EPS15: variants seen among roughly 807,000 people sequenced by gnomAD.
EPS15 encodes the protein epidermal growth factor receptor substrate 15.
EPS15 carries 72 observed loss-of-function variants against 113.8 expected under a neutral mutation model. The ratio of observed to expected loss-of-function variants is 0.63; its 90% CI spans 0.52 to 0.77. The LOEUF (loss-of-function observed/expected upper bound fraction) is 0.77, where lower values mean the gene tolerates loss of function less well. EPS15 is among the 30% of genes least tolerant of loss of function. The pLI is 0.00. For synonymous variants in EPS15, 344 were observed against 363.4 expected, an observed-to-expected ratio of 0.95 and a Z score of 0.61; for missense variants, 1,048 against 1,045.8, an observed-to-expected ratio of 1.00 and a Z score of -0.03.
intron 21 of EPS15, among the ~76,000 whole-genome samples, chr1:51,371,916 A>T (rs927523019): frequency 2.5e-4 from 38 of 152,158 alleles, no homozygotes; most frequent in African/African-American, 8.7e-4. Context: ...CTATGTTTAG[A>T]TACATAAATA....
chr1:51,515,939 G>A (rs1204311254), intron 1 of EPS15, among the ~76,000 whole-genome samples: 2 of 152,104 alleles, frequency 1.3e-5, no homozygotes, highest in East Asian at 3.9e-4. Flanking sequence ...ATTCCCAAAG[G>A]GAAGTTAACA....
At position 51,448,059 on chromosome 1, in the gene EPS15, G is replaced by C; in HGVS notation, c.638C>G (p.Ser213Cys). 12 of 1,613,668 alleles carry C rather than the reference G, an allele frequency of 7.4e-6. No homozygotes were observed. The highest frequency in any genetic ancestry group is 1.0e-5 in the Non-Finnish European group (12 of 1,179,674). ...MSLPPALVPP[S>C]KRKTWVVSPA... ...TGATATACTGACCGTTTTTCTCTTA[G>C]ATGGTGGCACCAAGGCTGGAGGCAA... Residue 213 changes from serine (S) to cysteine (C), a missense_variant, in exon 9 of 25, where the codon TCT becomes TGT. Transcript: ENST00000371733.
chr1:51,422,419 C>T (rs182798586), intron 12 of EPS15, among the ~76,000 whole-genome samples: 74 of 152,198 alleles, frequency 4.9e-4, no homozygotes, highest in Middle Eastern at 3.4e-3. Context: ...AAAATTACAT[C>T]TCAAAAAAAG....
chr1:51,484,392 T>A (rs1037388636), intron 1 of EPS15, among the ~76,000 whole-genome samples: 17 of 152,068 alleles, frequency 1.1e-4, no homozygotes, highest in Admixed American at 9.2e-4. Context: ...CGAGATCTTG[T>A]CTCCATTTAA....
intron 19 of EPS15, 81 bp from the exon 20 acceptor site, chr1:51,399,246 G>T: frequency 7.4e-7 from 1 of 1,355,222 alleles, no homozygotes; most frequent in Non-Finnish European, 1.0e-6. Context: ...TATGATCAGT[G>T]CCTTAATTAA....
At chr1:51,475,529 T>G (rs1655610666) in intron 2 of EPS15, among the ~76,000 whole-genome samples, 1 of 152,224 alleles carries the variant, frequency 6.6e-6, no homozygotes, top group Non-Finnish European at 1.5e-5. Flanking sequence ...TGGGGTTGTT[T>G]GATTTCTTCT....
chr1:51,386,773 A>T (rs887127951), intron 21 of EPS15, among the ~76,000 whole-genome samples: 7 of 152,342 alleles, frequency 4.6e-5, no homozygotes, highest in Non-Finnish European at 8.8e-5. Flanking sequence ...TAGAGAAAAA[A>T]GAATAAAAAG....
chr1:51,400,553 C>T (rs774232996), intron 19 of EPS15, among the ~76,000 whole-genome samples: 1 of 151,418 alleles, frequency 6.6e-6, no homozygotes, highest in Non-Finnish European at 1.5e-5. Context: ...AAAAATCAGT[C>T]AAGTATGCTG....
At chr1:51,456,733 A>C (rs576780568) in intron 8 of EPS15, among the ~76,000 whole-genome samples, 1 of 152,348 alleles carries the variant, frequency 6.6e-6, no homozygotes, top group African/African-American at 2.4e-5. Flanking sequence ...AATAAAAACA[A>C]ATCAATGACT....
At chr1:51,429,433 A>C (rs1651508047) in intron 12 of EPS15, among the ~76,000 whole-genome samples, 1 of 152,150 alleles carries the variant, frequency 6.6e-6, no homozygotes, top group South Asian at 2.1e-4. Flanking sequence ...AGTAGTTAAA[A>C]ATTTAAAGTA....
intron 2 of EPS15, among the ~76,000 whole-genome samples, chr1:51,473,554 A>G (rs1268810909): frequency 6.6e-6 from 1 of 152,172 alleles, no homozygotes; most frequent in Non-Finnish European, 1.5e-5. Flanking sequence ...ACTTTCCTTT[A>G]AGACAGAATG....
Position 51,356,589 on chromosome 1 carries a change from C to A in EPS15, c.*111G>T. ...AAAATTTTGTCACATTTACAGGAATCTCAAACCTTTTGTATTCCCATGCTC... is the reference window on the plus strand; with the variant it reads ...AAAATTTTGTCACATTTACAGGAATATCAAACCTTTTGTATTCCCATGCTC... On this transcript the variant is annotated 3_prime_UTR_variant, in exon 25 of 25. Transcript: ENST00000371733. 4 of 886,702 alleles carry A rather than the reference C, an allele frequency of 4.5e-6. No individual in the cohort carries two copies. The highest frequency in any genetic ancestry group is 3.0e-5 in the East Asian group (1 of 33,416). The allele number at this position is 886,702 out of a possible 1,614,324, so 54.9% of individuals were successfully genotyped here.
chr1:51,517,062 T>C (rs942560621), intron 1 of EPS15, among the ~76,000 whole-genome samples: 2 of 152,088 alleles, frequency 1.3e-5, no homozygotes, highest in Non-Finnish European at 2.9e-5. Context: ...CAGGCAGTTA[T>C]AAAAAAATTA....
At chr1:51,461,206 CGAGGGCAAGAAAAGA>C in intron 7 of EPS15, 56 bp from the exon 8 acceptor site, 1 of 1,292,050 alleles carries the variant, frequency 7.7e-7, no homozygotes, top group Non-Finnish European at 1.1e-6. Flanking sequence ...ATGTTCTACT[CGAGGGCAAGAAAAGA>C]AAGTTTATGA....
At chr1:51,358,587 T>C (rs1212014093) in intron 24 of EPS15, among the ~76,000 whole-genome samples, 2 of 152,094 alleles carry the variant, frequency 1.3e-5, no homozygotes, top group African/African-American at 4.8e-5. Context: ...ACCACATCTT[T>C]CACAATGAAA....
At chr1:51,456,063 T>C (rs1050861693) in intron 8 of EPS15, among the ~76,000 whole-genome samples, 2 of 152,154 alleles carry the variant, frequency 1.3e-5, no homozygotes. Flanking sequence ...GGGCCATTCA[T>C]CAAAGGTTCA....
intron 7 of EPS15, among the ~76,000 whole-genome samples, chr1:51,462,374 A>G (rs1396712661): frequency 6.6e-6 from 1 of 151,906 alleles, no homozygotes; most frequent in Non-Finnish European, 1.5e-5. Context: ...AAAAAAAGAA[A>G]AAAAAAAAAA....
In EPS15 at chr1:51,444,975, T is replaced by G. The variant is rs755825082; in HGVS notation, c.868A>C (p.Ser290Arg). The change falls in exon 11 of 25, where the codon AGT (serine) becomes CGT (arginine). Residue 290 changes from serine to arginine, a missense_variant. Transcript: ENST00000371733. ...TCAATGCCCTTGATTAACTTCTGACTGATTAAGTGAAAAGCCAAGGCAAAC... is the reference window on the plus strand; with the variant it reads ...TCAATGCCCTTGATTAACTTCTGACGGATTAAGTGAAAAGCCAAGGCAAAC... ...DQFALAFHLI[S>R]QKLIKGIDPP... is the part of the protein sequence containing the mutation. 6.2e-6 allele frequency: 10 copies of G among 1,614,030 alleles called. No homozygotes were observed. The highest frequency in any genetic ancestry group is 2.2e-5 in the South Asian group (2 of 91,072).
intron 19 of EPS15, among the ~76,000 whole-genome samples, chr1:51,399,421 G>A (rs1004138195): frequency 2.6e-5 from 4 of 152,048 alleles, no homozygotes; most frequent in African/African-American, 7.3e-5. Flanking sequence ...GCATGGTGGT[G>A]CGCACCTATA....
Sources: allele counts gnomAD v4.1 joint callset (sites outside exome capture counted in the v4.1 genomes callset), GRCh38; gene constraint gnomAD v4.1.1; transcripts MANE v1.5; gene names NCBI Gene and HGNC (gene_info 2026-07-23, HGNC 2026-07-21).